Variants in CDH23 observed in about 807,000 individuals in gnomAD.
CDH23 encodes the protein cadherin-23.
In CDH23, 189 loss-of-function variants were observed where a neutral mutation model predicts 317.1. The ratio of observed to expected loss-of-function variants is 0.60; its 90% CI spans 0.53 to 0.67. The LOEUF is 0.67. CDH23 is among the 30% of genes least tolerant of loss of function. The probability of loss-of-function intolerance (pLI) is 0.00; values close to 1 mark genes in which losing one functional copy is unlikely to be tolerated. For synonymous variants in CDH23, 1,839 were observed against 1,876.8 expected, an observed-to-expected ratio of 0.98 and a Z score of 0.52; for missense variants, 4,401 against 4,592.4, an observed-to-expected ratio of 0.96 and a Z score of 1.20.
At chr10:71,613,411 C>T (rs1307437697) in intron 9 of CDH23, among the ~76,000 whole-genome samples, 1 of 152,232 alleles carries the variant, frequency 6.6e-6, no homozygotes, top group Non-Finnish European at 1.5e-5. Flanking sequence ...GACACCCCCT[C>T]CTGGGCTGGC....
In CDH23 at chr10:71,440,870, C is replaced by T. The variant is rs570875081; in HGVS notation, c.67+972C>T. 3.3e-5 allele frequency among the ~76,000 whole-genome samples: 5 copies of T among 152,294 alleles called. No homozygotes were observed. In the South Asian group the frequency reaches 1.0e-3, roughly 32 times the overall value. The stretch of plus-strand genomic sequence containing the variant: ...CACGCAAACACATTCCTGTGGGGGG[C>T]CAGCTCCTTCTCCCCTCCAGGGAGC... On this transcript the variant is annotated intron_variant, in intron 2 of 69. Transcript: ENST00000224721.
At chr10:71,626,732 T>C (rs1682017723) in intron 11 of CDH23, among the ~76,000 whole-genome samples, 1 of 152,150 alleles carries the variant, frequency 6.6e-6, no homozygotes, top group African/African-American at 2.4e-5. Flanking sequence ...GGGGCAGATG[T>C]AGGGTTCGTA....
intron 38 of CDH23, among the ~76,000 whole-genome samples, chr10:71,764,405 G>GA (rs546257834): frequency 8.8e-4 from 134 of 151,920 alleles, no homozygotes; most frequent in Non-Finnish European, 1.3e-3. Context: ...CTATACTGAT[G>GA]AAAAAAAAGG....
rs745807319 is a variant in CDH23 at position 71,785,126 on chromosome 10, G to T, written c.5712+26G>T. On this transcript the variant is annotated intron_variant, in intron 43 of 69. Coordinates refer to ENST00000224721, the MANE Select transcript of CDH23 (RefSeq NM_022124.6). ...GTAGGGCCTAGACTGACCCCAGGGA[G>T]CTTCCCAGGGTTTCCAGTGAAAAAG... is the stretch of plus-strand genomic sequence containing the variant. 6.9e-6 allele frequency: 11 copies of T among 1,583,438 alleles called. No individual in the cohort carries two copies. The Admixed American group carries it at 1.9e-4, about 27-fold the overall frequency.
intron 9 of CDH23, among the ~76,000 whole-genome samples, chr10:71,579,166 G>A (rs1369469294): frequency 1.3e-5 from 2 of 151,776 alleles, no homozygotes; most frequent in Non-Finnish European, 3.0e-5. Flanking sequence ...AGCAGCTAAT[G>A]CTACCTTGGG....
intron 1 of CDH23, among the ~76,000 whole-genome samples, chr10:71,413,828 C>T (rs1049741063): frequency 2.6e-5 from 4 of 152,106 alleles, no homozygotes; most frequent in African/African-American, 9.7e-5. Flanking sequence ...GACACCATGC[C>T]TAGCTTAGCA....
intron 6 of CDH23, among the ~76,000 whole-genome samples, chr10:71,518,904 C>A (rs1854493090): frequency 1.3e-5 from 2 of 152,224 alleles, no homozygotes; most frequent in Non-Finnish European, 2.9e-5. Flanking sequence ...TCCCTCATGT[C>A]CCCTGTAACA....
intron 1 of CDH23, among the ~76,000 whole-genome samples, chr10:71,412,952 G>C (rs1848400029): frequency 6.6e-6 from 1 of 152,174 alleles, no homozygotes; most frequent in Non-Finnish European, 1.5e-5. Context: ...TCCATAGATA[G>C]TGTGCTTTGA....
At chr10:71,612,336 C>T (rs145648139) in intron 9 of CDH23, among the ~76,000 whole-genome samples, 11 of 151,358 alleles carry the variant, frequency 7.3e-5, no homozygotes, top group African/African-American at 2.4e-4. Context: ...TTGCCTAGGT[C>T]GGGGCATGGG....
intron 69 of CDH23, among the ~76,000 whole-genome samples, chr10:71,813,731 A>G (rs1258072282): frequency 6.6e-6 from 1 of 151,920 alleles, no homozygotes; most frequent in African/African-American, 2.4e-5. Flanking sequence ...ACGTGGCGAA[A>G]CCCCATCTGT....
intron 9 of CDH23, among the ~76,000 whole-genome samples, chr10:71,610,903 G>A (rs886161636): frequency 6.6e-6 from 1 of 152,064 alleles, no homozygotes; most frequent in African/African-American, 2.4e-5. Context: ...TCCTTACGGT[G>A]GTAAAAGTGC....
chr10:71,435,016 G>A (rs1849557363), intron 1 of CDH23, among the ~76,000 whole-genome samples: 1 of 152,168 alleles, frequency 6.6e-6, no homozygotes, highest in Non-Finnish European at 1.5e-5. Context: ...ATGCCACAGG[G>A]TCTTGCCCAG....
intron 1 of CDH23, among the ~76,000 whole-genome samples, chr10:71,435,855 G>A (rs556370528): frequency 1.3e-5 from 2 of 152,352 alleles, no homozygotes; most frequent in East Asian, 3.9e-4. Flanking sequence ...CCTGGGTACT[G>A]AGGAATGCCA....
At chr10:71,661,712 TCCC>T (rs2132633313) in intron 14 of CDH23, among the ~76,000 whole-genome samples, 1 of 121,178 alleles carries the variant, frequency 8.3e-6, no homozygotes, top group Non-Finnish European at 1.7e-5. Flanking sequence ...AGCGTACCCC[TCCC>T]ACCCTGCGCG....
intron 1 of CDH23, among the ~76,000 whole-genome samples, chr10:71,413,882 T>C (rs1416099266): frequency 6.6e-6 from 1 of 152,180 alleles, no homozygotes; most frequent in Admixed American, 6.5e-5. Flanking sequence ...CTTCCTGGGT[T>C]AAATTTATTT....
intron 28 of CDH23, chr10:71,716,367 T>A (rs1306222087): frequency 3.4e-6 from 5 of 1,453,814 alleles, no homozygotes; most frequent in Non-Finnish European, 4.5e-6. Flanking sequence ...AGACAGAAGC[T>A]CAAAGGCAGA....
At chr10:71,520,022 G>A (rs2132228119) in intron 6 of CDH23, among the ~76,000 whole-genome samples, 1 of 152,188 alleles carries the variant, frequency 6.6e-6, no homozygotes, top group Non-Finnish European at 1.5e-5. Context: ...TGCCCAGGCT[G>A]GCCTCAAACT....
chr10:71,802,757 C>A, intron 53 of CDH23, 141 bp from the exon 54 acceptor site: 1 of 871,014 alleles, frequency 1.1e-6, no homozygotes, highest in Non-Finnish European at 1.8e-6. Flanking sequence ...TCAAGTCAGA[C>A]TCCAACACAT....
At chr10:71,804,004 C>A (rs1003633214) in intron 55 of CDH23, among the ~76,000 whole-genome samples, 3 of 141,922 alleles carry the variant, frequency 2.1e-5, no homozygotes, top group Non-Finnish European at 3.1e-5. Context: ...AAAAAAAAAT[C>A]TTTAGTTGAA....
Sources: gnomAD v4.1 joint callset for allele counts (sites outside exome capture counted in the v4.1 genomes callset) on GRCh38, gnomAD v4.1.1 for gene constraint, MANE v1.5 for transcripts, NCBI Gene and HGNC (gene_info 2026-07-23, HGNC 2026-07-21) for gene names.